NIBAN2: variants seen among roughly 807,000 people sequenced by gnomAD.
NIBAN2 encodes the protein niban apoptosis regulator 2.
In NIBAN2, 36 loss-of-function variants were observed where a neutral mutation model predicts 81.8. That is an observed-to-expected ratio of 0.44 (90% CI 0.34 to 0.58). NIBAN2 has a LOEUF of 0.58. Ranked by LOEUF, NIBAN2 falls within the 20% of genes least tolerant of loss-of-function variation. The pLI is 0.02. For missense variants in NIBAN2, 897 were observed against 1,014.1 expected (o/e 0.88, Z 1.57); for synonymous variants, 445 against 441.6 (o/e 1.01, Z -0.10).
At position 127,523,802 on chromosome 9, in the gene NIBAN2, T is replaced by C. The variant is rs1359636928; in HGVS notation, c.466A>G (p.Thr156Ala). 3 of 1,613,512 alleles carry C rather than the reference T, an allele frequency of 1.9e-6. No individual in the cohort carries two copies. In the African/African-American group the frequency reaches 4.0e-5, roughly 22 times the overall value. Residue 156 changes from threonine (T) to alanine (A), a missense_variant, in exon 5 of 14, where the codon ACA (threonine) becomes GCA (alanine). Coordinates refer to ENST00000373312, the MANE Select transcript of NIBAN2 (RefSeq NM_022833.4). Reference sequence around the variant, plus strand: ...TGCCAGAGGATGAGCGGGAACTGTGTGGGGCACTTGAGGATGGGGGCACTG... The same window carrying C: ...TGCCAGAGGATGAGCGGGAACTGTGCGGGGCACTTGAGGATGGGGGCACTG... ...SGSAPILKCP[T>A]QFPLILWHPY...
At chr9:127,542,504 G>A (rs1182738228) in intron 1 of NIBAN2, among the ~76,000 whole-genome samples, 1 of 152,206 alleles carries the variant, frequency 6.6e-6, no homozygotes, top group East Asian at 1.9e-4. Context: ...AGAGAGCCAC[G>A]AAGCCACTGA....
At position 127,508,123 on chromosome 9, in the gene NIBAN2, C is replaced by G. The variant is rs1389959944; in HGVS notation, c.1512G>C (p.Leu504=). ...EALLQISIPF[L]LKKLAPTCKS... ...TGCAGGTAGGGGCCAGCTTCTTGAGCAGGAACGGGATGCTGATCTGCAGCA... is the reference window on the plus strand; with the variant it reads ...TGCAGGTAGGGGCCAGCTTCTTGAGGAGGAACGGGATGCTGATCTGCAGCA... The change falls in exon 12 of 14, where the codon CTG becomes CTC. Residue 504 remains leucine (L), a synonymous_variant. Transcript: ENST00000373312. The surrounding 1 kb of genome is among the most constrained non-coding windows in gnomAD (Gnocchi z 6.4). The G allele has an allele frequency of 6.2e-7, 1 of 1,613,656 alleles. No individual in the cohort carries two copies. The highest frequency in any genetic ancestry group is 8.5e-7 in the Non-Finnish European group (1 of 1,180,030).
At chr9:127,535,320 G>A (rs935393189) in intron 1 of NIBAN2, among the ~76,000 whole-genome samples, 1 of 152,254 alleles carries the variant, frequency 6.6e-6, no homozygotes, top group African/African-American at 2.4e-5. Flanking sequence ...TCCAGATATG[G>A]TGTCCAGGCA....
chr9:127,570,130 T>C (rs1837930075), upstream of NIBAN2, among the ~76,000 whole-genome samples: 1 of 152,182 alleles, frequency 6.6e-6, no homozygotes, highest in South Asian at 2.1e-4. Context: ...AACTAAGCAC[T>C]CACCACTTCT....
At chr9:127,551,808 C>T (rs984058636) in intron 1 of NIBAN2, among the ~76,000 whole-genome samples, 1 of 152,214 alleles carries the variant, frequency 6.6e-6, no homozygotes, top group African/African-American at 2.4e-5. Flanking sequence ...ACCACAGCAC[C>T]GATCTCTGGG....
chr9:127,515,547 A>C (rs1836813978), intron 8 of NIBAN2, among the ~76,000 whole-genome samples: 1 of 148,248 alleles, frequency 6.7e-6, no homozygotes, highest in African/African-American at 2.5e-5. Context: ...AAACAAACAA[A>C]AAAAACAGGC....
At chr9:127,574,931 T>C (rs1588197356) in intron 1 of NIBAN2, among the ~76,000 whole-genome samples, 1 of 152,130 alleles carries the variant, frequency 6.6e-6, no homozygotes. Flanking sequence ...CTGTCACCTC[T>C]CCCCAGCTCC....
chr9:127,511,171 A>C (rs1421436921), intron 8 of NIBAN2, among the ~76,000 whole-genome samples: 1 of 151,984 alleles, frequency 6.6e-6, no homozygotes, highest in Non-Finnish European at 1.5e-5. Flanking sequence ...CAGCCTCCCA[A>C]GTAGCTGGGA....
intron 1 of NIBAN2, among the ~76,000 whole-genome samples, chr9:127,533,854 C>T (rs1837226996): frequency 6.6e-6 from 1 of 152,218 alleles, no homozygotes; most frequent in African/African-American, 2.4e-5. Flanking sequence ...AAAAAATAAA[C>T]ATTCTAAAAT....
rs1286085386 is a variant in NIBAN2, at chr9:127,545,015, G to A, written c.56-13237C>T. On this transcript the variant is annotated intron_variant, in intron 1 of 13. Coordinates refer to ENST00000373312, the MANE Select transcript of NIBAN2 (RefSeq NM_022833.4). This position sits in a 1 kb window ranked among gnomAD's most constrained non-coding sequence, Gnocchi z 4.7. ...GTCCCATTGCCCTGTTAGTGTCCCA[G>A]CTCCTCTGAGACCATCTTGGGGAGA... Among the ~76,000 whole-genome samples the A allele has an allele frequency of 2.0e-5, 3 of 152,206 alleles. No individual in the cohort carries two copies. Among genetic ancestry groups the A allele is most frequent in the Non-Finnish European group, 2.9e-5 (2 of 68,040 alleles).
At position 127,517,256 on chromosome 9, in the gene NIBAN2, G is replaced by C. The variant is rs143680515; in HGVS notation, c.706-40C>G. On this transcript the variant is annotated intron_variant, in intron 6 of 13. Transcript: ENST00000373312. This position sits in a 1 kb window ranked among gnomAD's most constrained non-coding sequence, Gnocchi z 4.0. ...CACAAGCCAGGCCAGGGGCTGGAGA[G>C]CGCTCAGCTGGCCTGTTTCTCTCTG... 1.1e-3 allele frequency: 1,746 copies of C among 1,563,614 alleles called. 35 individuals are homozygous for C. The East Asian group carries it at 0.034, about 30-fold the overall frequency.
At chr9:127,554,117 C>T (rs1031861471) in intron 1 of NIBAN2, among the ~76,000 whole-genome samples, 7 of 152,246 alleles carry the variant, frequency 4.6e-5, no homozygotes, top group Admixed American at 2.0e-4. Flanking sequence ...GCTGGGCACA[C>T]AGACAGAGCC....
At chr9:127,518,472 G>T (rs1836875426) in intron 5 of NIBAN2, among the ~76,000 whole-genome samples, 1 of 152,234 alleles carries the variant, frequency 6.6e-6, no homozygotes, top group Non-Finnish European at 1.5e-5. Context: ...CAGCCCGGCA[G>T]GCCATAAAAC....
rs1321999574 is a variant in NIBAN2 at position 127,516,838 on chromosome 9, C to G, written c.973+19G>C. The G allele has an allele frequency of 6.2e-7, 1 of 1,604,186 alleles. No individual in the cohort carries two copies. The highest frequency in any genetic ancestry group is 1.3e-5 in the African/African-American group (1 of 74,912). On this transcript the variant is annotated intron_variant, in intron 8 of 13. Transcript: ENST00000373312. ...CTTGGCCCCTGGAGGGCCCGTCGAG[C>G]ACGGGGGTGGCTGCCTACCTCGGAT...
intron 1 of NIBAN2, among the ~76,000 whole-genome samples, chr9:127,543,851 A>T (rs1837424498): frequency 6.6e-6 from 1 of 152,234 alleles, no homozygotes; most frequent in Admixed American, 6.5e-5. Context: ...CATAATTGCA[A>T]CATGAGCTAA....
intron 2 of NIBAN2, among the ~76,000 whole-genome samples, chr9:127,527,725 G>A (rs1837102782): frequency 1.3e-5 from 2 of 152,182 alleles, no homozygotes; most frequent in South Asian, 4.1e-4. Flanking sequence ...CCCCGAGGTC[G>A]CTCCGGGCAC....
At chr9:127,548,842 C>T (rs545459971) in intron 1 of NIBAN2, among the ~76,000 whole-genome samples, 3 of 152,224 alleles carry the variant, frequency 2.0e-5, no homozygotes, top group Admixed American at 6.5e-5. Flanking sequence ...GAAGTCCAGC[C>T]GTAGCCACGC....
At chr9:127,571,839 A>AG (rs1837950342), upstream of NIBAN2, among the ~76,000 whole-genome samples, 1 of 152,140 alleles carries the variant, frequency 6.6e-6, no homozygotes, top group Non-Finnish European at 1.5e-5. Flanking sequence ...CCAAAAAAAA[A>AG]CTGCCTTGTC....
intron 1 of NIBAN2, chr9:127,578,847 A>T: frequency 3.4e-4 from 455 of 1,331,986 alleles, no homozygotes; most frequent in Non-Finnish European, 4.5e-4. Context: ...ACAGAGCAAA[A>T]CCTCCTCTCT....
Sources: gnomAD v4.1 joint callset for allele counts (sites outside exome capture counted in the v4.1 genomes callset) on GRCh38, gnomAD v4.1.1 for gene constraint, Gnocchi (gnomAD v3.1) non-coding constraint, MANE v1.5 for transcripts, NCBI Gene and HGNC (gene_info 2026-07-23, HGNC 2026-07-21) for gene names.